BSG: variants seen among roughly 807,000 people sequenced by gnomAD.
The protein encoded by BSG is basigin.
BSG carries 37 observed loss-of-function variants against 43.1 expected under a neutral mutation model. That is an observed-to-expected ratio of 0.86 (90% CI 0.66 to 1.13). BSG has a LOEUF of 1.13. BSG is among the 50% of genes most tolerant of loss of function. The probability of loss-of-function intolerance (pLI) is 0.00; values close to 1 mark genes in which losing one functional copy is unlikely to be tolerated. For synonymous variants in BSG, 309 were observed against 238.7 expected, an observed-to-expected ratio of 1.29 and a Z score of -2.72; for missense variants, 599 against 554.2, an observed-to-expected ratio of 1.08 and a Z score of -0.81.
At chr19:572,883 G>A (rs1443163729) in intron 1 of BSG, among the ~76,000 whole-genome samples, 182 bp downstream of exon 1, 2 of 152,100 alleles carry the variant, frequency 1.3e-5, no homozygotes, top group African/African-American at 2.4e-5. Context: ...CAGGGTTTGA[G>A]GGGGGACTAG....
chr19:572,587 G>A (rs1473718046), upstream of BSG: 2 of 1,440,010 alleles, frequency 1.4e-6, no homozygotes, highest in Non-Finnish European at 1.8e-6. Flanking sequence ...GGCCGCGGGC[G>A]GCGGCGGCAG....
chr19:578,240 G>C (rs1316124970), intron 2 of BSG, 119 bp downstream of exon 2: 23 of 1,073,872 alleles, frequency 2.1e-5, no homozygotes, highest in Non-Finnish European at 2.8e-5. Flanking sequence ...GCTGTGCCCC[G>C]TTGGGCCCAC....
At position 577,848 on chromosome 19, in the gene BSG, G is replaced by T; in HGVS notation, c.142G>T (p.Gly48Cys). 1 of 1,534,272 alleles carries T rather than the reference G, an allele frequency of 6.5e-7. No homozygotes were observed. The highest frequency in any genetic ancestry group is 8.8e-7 in the Non-Finnish European group (1 of 1,133,664). Residue 48 changes from glycine to cysteine, a missense_variant, in exon 2 of 9, where the codon GGC becomes TGC. By Grantham distance (159) the Gly-to-Cys change is radical. Transcript: ENST00000333511. ...TGTGGAGCTGCACTGCGAGGCCGTGGGCAGCCCGGTGCCCGAGATCCAGTG... is the reference window on the plus strand; with the variant it reads ...TGTGGAGCTGCACTGCGAGGCCGTGTGCAGCCCGGTGCCCGAGATCCAGTG... ...GSVELHCEAV[G>C]SPVPEIQWWF...
At chr19:571,514 C>T (rs55881761), upstream of BSG, 58 of 779,182 alleles carry the variant, frequency 7.4e-5, no homozygotes, top group East Asian at 1.4e-3. Flanking sequence ...TCACCTCGGG[C>T]GGGACCCGAT....
rs762172666 is a variant in BSG, at chr19:582,786, G to A, written c.*42G>A. 68 of 600,378 alleles carry A rather than the reference G, an allele frequency of 1.1e-4. No homozygotes were observed. Among genetic ancestry groups the A allele is most frequent in the Middle Eastern group, 5.3e-4 (2 of 3,768 alleles). The allele number at this position is 600,378 out of a possible 1,614,324, so 37.2% of individuals were successfully genotyped here. ...ACGCTCCCTGCTCCACGTCTGCGCC[G>A]CCGCCGGAGTCCACTCCCAGTGCTT... On this transcript the variant is annotated 3_prime_UTR_variant, in exon 9 of 9. Coordinates refer to ENST00000333511, the MANE Select transcript of BSG (RefSeq NM_001728.4).
chr19:579,354 CGG>C (rs747742438), intron 2 of BSG, 144 bp from the exon 3 acceptor site: 2 of 1,130,162 alleles, frequency 1.8e-6, no homozygotes, highest in Non-Finnish European at 2.6e-6. Context: ...CTTGGGCCTC[CGG>C]TCCTCGGGGC....
intron 1 of BSG, among the ~76,000 whole-genome samples, chr19:572,912 C>T (rs1419210542): frequency 1.3e-5 from 2 of 152,138 alleles, no homozygotes; most frequent in African/African-American, 4.8e-5. Flanking sequence ...CCCGGCGCGG[C>T]CTGCCGGGCT....
Position 579,529 on chromosome 19 carries a change from C to T in BSG, c.445C>T (p.Leu149Phe), listed in dbSNP as rs1426966978. ...CACAGTCTTCACTACCGTAGAAGAC[C>T]TTGGCTCCAAGATACTCCTCACCTG... ...PGTVFTTVED[L>F]GSKILLTCSL... The change falls in exon 3 of 9, where the codon CTT becomes TTT. Residue 149 changes from leucine (L) to phenylalanine (F), a missense_variant. Coordinates refer to ENST00000333511, the MANE Select transcript of BSG (RefSeq NM_001728.4). 5.0e-6 allele frequency: 8 copies of T among 1,612,580 alleles called. No individual in the cohort carries two copies. The Middle Eastern group carries it at 4.9e-4, about 99-fold the overall frequency.
rs1026837457 is a variant in BSG, at chr19:579,019, C to T, written c.416-481C>T. On this transcript the variant is annotated intron_variant, in intron 2 of 8. Transcript: ENST00000333511. ...TGCTGGGATTACAGGCGTGAGCCTC[C>T]GCGCCCGGCCACCACCGCGCCCAGC... is the stretch of plus-strand genomic sequence containing the variant. The T allele has an allele frequency of 2.9e-4, 133 of 456,168 alleles. No individual in the cohort carries two copies. In the Admixed American group the frequency reaches 3.1e-3, roughly 11 times the overall value. The allele number at this position is 456,168 out of a possible 1,614,324, so 28.3% of individuals were successfully genotyped here. A position where few individuals can be genotyped will look rare whatever the true frequency, so the allele number is the denominator to read the frequency against.
At chr19:574,257 A>G (rs1167132154) in intron 1 of BSG, among the ~76,000 whole-genome samples, 1 of 150,400 alleles carries the variant, frequency 6.6e-6, no homozygotes, top group Non-Finnish European at 1.5e-5. Context: ...TGTCTTTAAA[A>G]AAAAAAAAAA....
At position 577,932 on chromosome 19, in the gene BSG, C is replaced by A; in HGVS notation, c.226C>A (p.Leu76Met). ...CTCCCAGCTCTGGGACGGCGCCCGGCTGGACCGCGTCCACATCCACGCCAC... is the reference window on the plus strand; with the variant it reads ...CTCCCAGCTCTGGGACGGCGCCCGGATGGACCGCGTCCACATCCACGCCAC... ...TCSQLWDGARLDRVHIHATYH... is the reference protein window; with the variant it reads ...TCSQLWDGARMDRVHIHATYH... The change falls in exon 2 of 9, where the codon CTG becomes ATG. Residue 76 changes from leucine (L) to methionine (M), a missense_variant. Physicochemically the swap from Leu to Met is conservative, Grantham distance 15. Coordinates refer to ENST00000333511, the MANE Select transcript of BSG (RefSeq NM_001728.4). 6.2e-7 allele frequency: 1 copy of A among 1,605,532 alleles called. No individual in the cohort carries two copies. Among genetic ancestry groups the A allele is most frequent in the Non-Finnish European group, 8.5e-7 (1 of 1,175,122 alleles).
upstream of BSG, chr19:572,279 C>T (rs1981305487): frequency 5.1e-6 from 3 of 592,116 alleles, no homozygotes; most frequent in South Asian, 1.5e-4. Context: ...ACACTTTCAA[C>T]GCTTCAACCC....
At chr19:572,949 G>T (rs1486115781) in intron 1 of BSG, among the ~76,000 whole-genome samples, 1 of 147,248 alleles carries the variant, frequency 6.8e-6, no homozygotes, top group Non-Finnish European at 1.5e-5. Flanking sequence ...CCTCGAGCCC[G>T]GCCTCTGTGT....
In BSG at chr19:581,439, C is replaced by G. The variant is rs1405948550; in HGVS notation, c.917C>G (p.Ser306Cys). The G allele has an allele frequency of 1.9e-6, 3 of 1,612,312 alleles. No homozygotes were observed. The highest frequency in any genetic ancestry group is 1.3e-5 in the African/African-American group (1 of 74,936). Reference sequence around the variant, plus strand: ...CAGTACCGGTGCAACGGCACCAGCTCCAAGGGCTCCGACCAGGCCATCATC... The same window carrying G: ...CAGTACCGGTGCAACGGCACCAGCTGCAAGGGCTCCGACCAGGCCATCATC... ...PGQYRCNGTS[S>C]KGSDQAIITL... Residue 306 changes from serine (S) to cysteine (C), a missense_variant, in exon 6 of 9, where the codon TCC becomes TGC. By Grantham distance (112) the Ser-to-Cys change is moderately radical (BLOSUM62 -1). Transcript: ENST00000333511.
chr19:573,938 C>T (rs1458603546), intron 1 of BSG, among the ~76,000 whole-genome samples: 1 of 152,210 alleles, frequency 6.6e-6, no homozygotes, highest in East Asian at 1.9e-4. Flanking sequence ...TTTGTTGAGA[C>T]CCCCATTTGG....
At position 577,757 on chromosome 19, in the gene BSG, G is replaced by C. The variant is rs941320029; in HGVS notation, c.68-17G>C. On this transcript the variant is annotated splice_polypyrimidine_tract_variant and intron_variant, in intron 1 of 8. Transcript: ENST00000333511. ...GCCCCAGGCACTAACAAGACCCCAC[G>C]CGTGCTCTCCCCACAGCCGGCTTCG... 7.2e-7 allele frequency: 1 copy of C among 1,391,484 alleles called. No homozygotes were observed. Among genetic ancestry groups the C allele is most frequent in the South Asian group, 1.7e-5 (1 of 58,140 alleles). The allele number at this position is 1,391,484 out of a possible 1,614,324, so 86.2% of individuals were successfully genotyped here.
At position 580,367 on chromosome 19, in the gene BSG, C is replaced by A; in HGVS notation, c.573-12C>A. 9 of 1,609,728 alleles carry A rather than the reference C, an allele frequency of 5.6e-6. No homozygotes were observed. The highest frequency in any genetic ancestry group is 7.6e-6 in the Non-Finnish European group (9 of 1,179,516). Reference sequence around the variant, plus strand: ...AGCTGGTACGCGGCTCACCTGCCTGCTGTGGTTGCAGGGTGGACTCCGACG... The same window carrying A: ...AGCTGGTACGCGGCTCACCTGCCTGATGTGGTTGCAGGGTGGACTCCGACG... On this transcript the variant is annotated splice_polypyrimidine_tract_variant and intron_variant, in intron 3 of 8. Transcript: ENST00000333511.
rs11672718 is a variant in BSG, at chr19:582,782, C to T, written c.*38C>T. On this transcript the variant is annotated 3_prime_UTR_variant, in exon 9 of 9. Transcript: ENST00000333511. ...GAGGACGCTCCCTGCTCCACGTCTG[C>T]GCCGCCGCCGGAGTCCACTCCCAGT... The T allele has an allele frequency of 1.8e-5, 11 of 603,594 alleles. No individual in the cohort carries two copies. Among genetic ancestry groups the T allele is most frequent in the African/African-American group, 1.5e-4 (8 of 53,742 alleles). The allele number at this position is 603,594 out of a possible 1,614,324, so 37.4% of individuals were successfully genotyped here.
chr19:578,932 G>C (rs771372227), intron 2 of BSG: 17 of 442,264 alleles, frequency 3.8e-5, no homozygotes, highest in Non-Finnish European at 7.7e-5. Context: ...GGGTTTCACC[G>C]TGTTAGCCAG....
Sources: gnomAD v4.1 joint callset for allele counts (sites outside exome capture counted in the v4.1 genomes callset) on GRCh38, gnomAD v4.1.1 for gene constraint, MANE v1.5 for transcripts, NCBI Gene and HGNC (gene_info 2026-07-23, HGNC 2026-07-21) for gene names.